The following DNTT variants were observed in gnomAD, a reference collection of about 807,000 sequenced individuals.
DNTT encodes the protein nucleosidetriphosphate:DNA deoxynucleotidylexotransferase.
A neutral mutation model predicts 60.9 loss-of-function variants in DNTT; 47 were observed. The ratio of observed to expected loss-of-function variants is 0.77; its 90% CI spans 0.61 to 0.98. The LOEUF (loss-of-function observed/expected upper bound fraction) is 0.98, where lower values mean the gene tolerates loss of function less well. Among genes scored for constraint, DNTT ranks in the 50% least tolerant of loss-of-function variants. The pLI is 0.00. For synonymous variants in DNTT, 224 were observed against 221.2 expected (o/e 1.01, Z -0.11); for missense variants, 665 against 627.5 (o/e 1.06, Z -0.64).
intron 1 of DNTT, among the ~76,000 whole-genome samples, chr10:96,315,602 G>A (rs1035366584): frequency 1.3e-5 from 2 of 151,790 alleles, no homozygotes. Flanking sequence ...CACTGTCTCA[G>A]AGAATCCCAG....
In DNTT at chr10:96,327,748, A is replaced by G; in HGVS notation, c.1007+148A>G. 3 of 1,316,816 alleles carry G rather than the reference A, an allele frequency of 2.3e-6. 1 individual carries two copies. In the South Asian group the frequency reaches 4.4e-5, roughly 19 times the overall value. 81.6% of individuals were successfully genotyped at this position (1,316,816 alleles called of 1,614,324 possible). On this transcript the variant is annotated intron_variant, in intron 7 of 10. Transcript: ENST00000371174. ...TCTCCTGCCTCTCACATTTCATTTC[A>G]GCAACCCCAAATGGCTTGTCATCCC... is the stretch of plus-strand genomic sequence containing the variant.
In DNTT at chr10:96,335,916, A is replaced by G. The variant is rs1185952206; in HGVS notation, c.1385A>G (p.Tyr462Cys). The G allele has an allele frequency of 3.1e-6, 5 of 1,614,124 alleles. No individual in the cohort carries two copies. Among genetic ancestry groups the G allele is most frequent in the Non-Finnish European group, 4.2e-6 (5 of 1,180,038 alleles). Residue 462 changes from tyrosine to cysteine, a missense_variant, in exon 10 of 11, where the codon TAT becomes TGT. By Grantham distance (194) the Tyr-to-Cys change is radical (BLOSUM62 -2). Transcript: ENST00000371174. ...SRQFERDLRR[Y>C]ATHERKMILD... Reference sequence around the variant, plus strand: ...CAGTTTGAGAGAGACCTCCGGCGCTATGCCACACATGAGCGGAAGATGATT... The same window carrying G: ...CAGTTTGAGAGAGACCTCCGGCGCTGTGCCACACATGAGCGGAAGATGATT...
chr10:96,313,142 A>G (rs867821740), intron 1 of DNTT, among the ~76,000 whole-genome samples: 7 of 152,158 alleles, frequency 4.6e-5, no homozygotes, highest in Non-Finnish European at 7.3e-5. Context: ...AGACCTCCCA[A>G]ACTTAGTCCA....
intron 1 of DNTT, among the ~76,000 whole-genome samples, chr10:96,313,406 G>C (rs1031059632): frequency 7.9e-5 from 12 of 152,264 alleles, no homozygotes; most frequent in Admixed American, 7.8e-4. Context: ...GTAGAAAAGT[G>C]ACCATAGATA....
rs1206361440 is a variant in DNTT at position 96,319,316 on chromosome 10, A to G, written c.433A>G (p.Ile145Val). ...TNPGPPKTPP[I>V]AVQKISQYAC... ...CCCAGGCCCCCCGAAGACTCCACCA[A>G]TTGCTGTACAAAAGATCTCCCAGTA... The change falls in exon 3 of 11, where the codon ATT (isoleucine) becomes GTT (valine). Residue 145 changes from isoleucine to valine, a missense_variant. Physicochemically the swap from Ile to Val is conservative, Grantham distance 29 (BLOSUM62 3). Transcript: ENST00000371174. The G allele has an allele frequency of 6.2e-7, 1 of 1,613,770 alleles. No individual in the cohort carries two copies. Among genetic ancestry groups the G allele is most frequent in the Non-Finnish European group, 8.5e-7 (1 of 1,179,818 alleles).
At chr10:96,304,786 C>T in intron 1 of DNTT, 86 bp downstream of exon 1, 1 of 1,440,512 alleles carries the variant, frequency 6.9e-7, no homozygotes, top group South Asian at 1.4e-5. Context: ...TGTTTTCTTC[C>T]ACATGTGGAA....
intron 1 of DNTT, among the ~76,000 whole-genome samples, chr10:96,314,346 C>T: frequency 6.8e-6 from 1 of 147,038 alleles, no homozygotes; most frequent in Middle Eastern, 3.4e-3. Context: ...ATCCCTGCTC[C>T]ACCTACTAAT....
chr10:96,307,240 A>C (rs1283043321), intron 1 of DNTT, among the ~76,000 whole-genome samples: 1 of 152,182 alleles, frequency 6.6e-6, no homozygotes, highest in African/African-American at 2.4e-5. Context: ...CAACAAATAG[A>C]ACAAAGACAG....
Position 96,332,469 on chromosome 10 carries a change from G to C in DNTT, c.1232G>C (p.Arg411Pro), listed in dbSNP as rs151142894. Residue 411 changes from arginine (R) to proline (P), a missense_variant, in exon 9 of 11, where the codon CGT becomes CCT. Transcript: ENST00000371174. Reference sequence around the variant, plus strand: ...TGCTTTCTGATTTTCAAATTGCCTCGTCAAAGAGTGGACAGTGACCAGTCC... The same window carrying C: ...TGCTTTCTGATTTTCAAATTGCCTCCTCAAAGAGTGGACAGTGACCAGTCC... ...QKCFLIFKLPRQRVDSDQSSW... is the reference protein window; with the variant it reads ...QKCFLIFKLPPQRVDSDQSSW... The C allele has an allele frequency of 1.2e-6, 2 of 1,614,162 alleles. No individual in the cohort carries two copies. Among genetic ancestry groups the C allele is most frequent in the East Asian group, 4.5e-5 (2 of 44,884 alleles).
In DNTT at chr10:96,338,277, C is replaced by T; in HGVS notation, c.*53C>T. On this transcript the variant is annotated 3_prime_UTR_variant, in exon 11 of 11. Transcript: ENST00000371174. ...TTCTTTTCAAGTTAAATAAATTATGCTTCATATTAGTAAAAGATGCCATAG... is the reference window on the plus strand; with the variant it reads ...TTCTTTTCAAGTTAAATAAATTATGTTTCATATTAGTAAAAGATGCCATAG... 2 of 1,528,728 alleles carry T rather than the reference C, an allele frequency of 1.3e-6. No homozygotes were observed. The highest frequency in any genetic ancestry group is 1.8e-6 in the Non-Finnish European group (2 of 1,116,762). The allele number at this position is 1,528,728 out of a possible 1,614,324, so 94.7% of individuals were successfully genotyped here.
At chr10:96,322,578 C>T (rs1490100882) in intron 4 of DNTT, 79 bp from the exon 5 acceptor site, 2 of 1,183,058 alleles carry the variant, frequency 1.7e-6, no homozygotes, top group Non-Finnish European at 1.2e-6. Context: ...AACCAAACTA[C>T]TAGGTCCATG....
At chr10:96,322,781 A>G (rs191169567) in intron 5 of DNTT, 53 bp downstream of exon 5, 192 of 1,453,190 alleles carry the variant, frequency 1.3e-4, no homozygotes, top group Non-Finnish European at 1.7e-4. Context: ...TAATCTTATT[A>G]CTTATTCTGG....
At chr10:96,306,469 A>T (rs1844639271) in intron 1 of DNTT, 1 of 152,264 alleles carries the variant, frequency 6.6e-6, no homozygotes, top group Non-Finnish European at 1.5e-5. Context: ...AAATTTGACA[A>T]GGGTTAGGCA....
chr10:96,324,268 CT>C lies in DNTT; in HGVS notation c.756del (p.Phe252LeufsTer9). ...NDERYQSFKL[F>X]TSVFGVGLKT... ...GCATGCCTTTCCCTCCATTTTAGCTCTTTACTTCTGTATTTGGAGTGGGGCT... is the reference window on the plus strand; with the variant it reads ...GCATGCCTTTCCCTCCATTTTAGCTCTTACTTCTGTATTTGGAGTGGGGCT... On this transcript the variant is annotated frameshift_variant, in exon 6 of 11. Transcript: ENST00000371174. LOFTEE classifies it high-confidence loss of function. 1 of 1,613,022 alleles carries C rather than the reference CT, an allele frequency of 6.2e-7. No individual in the cohort carries two copies. The highest frequency in any genetic ancestry group is 8.5e-7 in the Non-Finnish European group (1 of 1,179,300).
chr10:96,311,794 C>A (rs1844721787), intron 1 of DNTT, among the ~76,000 whole-genome samples: 2 of 152,174 alleles, frequency 1.3e-5, no homozygotes, highest in Non-Finnish European at 2.9e-5. Context: ...CAGGCACGTG[C>A]CACCACACCC....
At chr10:96,314,402 C>CTGTTTTTTTTTTTTTT (rs1844758783) in intron 1 of DNTT, among the ~76,000 whole-genome samples, 1 of 53,230 alleles carries the variant, frequency 1.9e-5, no homozygotes, top group East Asian at 3.6e-4. Flanking sequence ...TATCTCTTCC[C>CTGTTTTTTTTTTTTTT]TTTTTTTTTT....
chr10:96,307,701 G>GTATATATATATA (rs1197196328), intron 1 of DNTT, among the ~76,000 whole-genome samples: 16 of 85,022 alleles, frequency 1.9e-4, no homozygotes, highest in African/African-American at 5.7e-4. Context: ...GTGTGTGTGT[G>GTATATATATATA]TGTGTATATA....
intron 1 of DNTT, among the ~76,000 whole-genome samples, chr10:96,311,229 G>A (rs963750669): frequency 1.3e-5 from 2 of 152,216 alleles, no homozygotes; most frequent in African/African-American, 4.8e-5. Context: ...AAACAGGTCA[G>A]TTTAACTGTA....
At chr10:96,320,849 G>A (rs1427008924) in intron 4 of DNTT, 61 bp downstream of exon 4, 1 of 1,584,588 alleles carries the variant, frequency 6.3e-7, no homozygotes, top group Non-Finnish European at 8.6e-7. Flanking sequence ...GGGGAGAGAG[G>A]GATGTAGCTA....
Sources: allele counts gnomAD v4.1 joint callset (sites outside exome capture counted in the v4.1 genomes callset), GRCh38; gene constraint gnomAD v4.1.1; transcripts MANE v1.5; gene names NCBI Gene and HGNC (gene_info 2026-07-23, HGNC 2026-07-21).